The following MYO9B variants were observed in gnomAD, a reference collection of about 807,000 sequenced individuals.
MYO9B encodes unconventional myosin-IXb.
In MYO9B, 71 loss-of-function variants were observed where a neutral mutation model predicts 229.5. The ratio of observed to expected loss-of-function variants is 0.31; its 90% CI spans 0.26 to 0.38. The LOEUF (loss-of-function observed/expected upper bound fraction) is 0.38, where lower values mean the gene tolerates loss of function less well. MYO9B is among the 10% of genes least tolerant of loss of function. MYO9B has a pLI of 1.00. For missense variants in MYO9B, 2,255 were observed against 2,920.5 expected (o/e 0.77, Z 5.25); for synonymous variants, 1,185 against 1,235.8 (o/e 0.96, Z 0.86).
intron 2 of MYO9B, among the ~76,000 whole-genome samples, chr19:17,119,426 G>A (rs1431764772): frequency 6.6e-6 from 1 of 152,216 alleles, no homozygotes; most frequent in Non-Finnish European, 1.5e-5. Context: ...CCAGGAATGA[G>A]CGAGTGCTGA....
chr19:17,109,824 A>G (rs557577648), intron 2 of MYO9B, among the ~76,000 whole-genome samples: 38 of 152,294 alleles, frequency 2.5e-4, no homozygotes, highest in African/African-American at 8.7e-4. Flanking sequence ...ACCTCATCTC[A>G]AAATACTTAC....
rs749277786 is a variant in MYO9B, at chr19:17,212,125, C to T, written c.6289C>T (p.Arg2097Trp). 33 of 1,589,158 alleles carry T rather than the reference C, an allele frequency of 2.1e-5. No individual in the cohort carries two copies. Among genetic ancestry groups the T allele is most frequent in the East Asian group, 4.6e-5 (2 of 43,524 alleles). Reference sequence around the variant, plus strand: ...GGAGGCGGCTGCCCCAGTGCGGCGCCGGGAGCCACCTGCCCGCCGCCCGGA... The same window carrying T: ...GGAGGCGGCTGCCCCAGTGCGGCGCTGGGAGCCACCTGCCCGCCGCCCGGA... ...AREAAAPVRR[R>W]EPPARRPDQI... is the part of the protein sequence containing the mutation. The change falls in exon 40 of 40, where the codon CGG becomes TGG. Residue 2097 changes from arginine (R) to tryptophan (W), a missense_variant. Around this residue, in one of 7 missense-constraint regions of MYO9B, gnomAD observed 331 missense variants for 332.5 expected, o/e 1.00. Coordinates refer to ENST00000682292, the MANE Select transcript of MYO9B (RefSeq NM_004145.4). This position sits in a 1 kb window ranked among gnomAD's most constrained non-coding sequence, Gnocchi z 5.4.
chr19:17,181,733 GTTTC>G lies in MYO9B; in HGVS notation c.2333+714_2333+717del, dbSNP rs527266607. On this transcript the variant is annotated intron_variant, in intron 15 of 39. Transcript: ENST00000682292. ...CCTGCATGGGAGCCAATGAGAGCCA[GTTTC>G]TTTCTTTCTTTCTTTCTTTCGTTCG... Among the ~76,000 whole-genome samples, 169 of 152,250 alleles carry G rather than the reference GTTTC, an allele frequency of 1.1e-3. No homozygotes were observed. In the Middle Eastern group the frequency reaches 0.014, roughly 12 times the overall value.
At chr19:17,185,878 G>A (rs772608476) in intron 17 of MYO9B, 43 bp from the exon 18 acceptor site, 6 of 1,529,876 alleles carry the variant, frequency 3.9e-6, no homozygotes, top group Non-Finnish European at 1.8e-6. Flanking sequence ...GCGGCTGTCA[G>A]GGTCCCTGAT....
In MYO9B at chr19:17,192,724, C is replaced by G. The variant is rs776931647; in HGVS notation, c.2812-22C>G. The stretch of plus-strand genomic sequence containing the variant: ...GTGTCAGGGGCAGTGCAGCTGACCC[C>G]ACCTGACCCCGTGCCCACCAGGTCT... On this transcript the variant is annotated intron_variant, in intron 20 of 39. Coordinates refer to ENST00000682292, the MANE Select transcript of MYO9B (RefSeq NM_004145.4). 6 of 1,503,804 alleles carry G rather than the reference C, an allele frequency of 4.0e-6. 1 individual carries two copies. The Admixed American group carries it at 1.2e-4, about 31-fold the overall frequency. The allele number at this position is 1,503,804 out of a possible 1,614,324, so 93.2% of individuals were successfully genotyped here.
chr19:17,202,416 G>A lies in MYO9B; in HGVS notation c.4836+113G>A, dbSNP rs2073117470. ...CCATGCTTATGCCACACCCACCCAT[G>A]CCCTGCCCATACCACAGCCACTGTG... On this transcript the variant is annotated intron_variant, in intron 28 of 39. Transcript: ENST00000682292. 7 of 1,064,268 alleles carry A rather than the reference G, an allele frequency of 6.6e-6. No homozygotes were observed. In the Admixed American group the frequency reaches 1.7e-4, roughly 25 times the overall value. 65.9% of individuals were successfully genotyped at this position (1,064,268 alleles called of 1,614,324 possible).
At position 17,192,982 on chromosome 19, in the gene MYO9B, G is replaced by T. The variant is rs1223809664; in HGVS notation, c.3048G>T (p.Trp1016Cys). The change falls in exon 21 of 40, where the codon TGG becomes TGT. Residue 1016 changes from tryptophan to cysteine, a missense_variant. Trp to Cys is a radical substitution (Grantham distance 215, BLOSUM62 -2). Around this residue, in one of 7 missense-constraint regions of MYO9B, gnomAD observed 679 missense variants for 770.2 expected, o/e 0.88. Coordinates refer to ENST00000682292, the MANE Select transcript of MYO9B (RefSeq NM_004145.4). ...VYLQASWRGY[W>C]QRKLYRHQKQ... The stretch of plus-strand genomic sequence containing the variant: ...TCCAGGCCTCATGGAGGGGCTACTG[G>T]CAGCGGAAGCTCTACCGGCACCAGA... 1.3e-6 allele frequency: 2 copies of T among 1,520,232 alleles called. No individual in the cohort carries two copies. The highest frequency in any genetic ancestry group is 2.0e-5 in the Admixed American group (1 of 49,630). 94.2% of individuals were successfully genotyped at this position (1,520,232 alleles called of 1,614,324 possible).
chr19:17,131,216 C>A (rs901042662), intron 2 of MYO9B, among the ~76,000 whole-genome samples: 2 of 152,230 alleles, frequency 1.3e-5, no homozygotes, highest in African/African-American at 4.8e-5. Flanking sequence ...CACTGGAAGG[C>A]CCCATCACAG....
chr19:17,121,140 G>T (rs1185296697), intron 2 of MYO9B, among the ~76,000 whole-genome samples: 1 of 152,046 alleles, frequency 6.6e-6, no homozygotes, highest in Non-Finnish European at 1.5e-5. Context: ...ATGGGGTTTT[G>T]CCATGTTGTC....
chr19:17,197,760 T>G lies in MYO9B; in HGVS notation c.4047-32T>G, dbSNP rs766107235. On this transcript the variant is annotated intron_variant, in intron 22 of 39. Transcript: ENST00000682292. ...AGAAAATGCCACTGACTCACTCTAG[T>G]CAGTAAAAGCCATGTTTCTGTGATC... is the stretch of plus-strand genomic sequence containing the variant. The G allele has an allele frequency of 1.4e-5, 23 of 1,612,828 alleles. No individual in the cohort carries two copies. The African/African-American group carries it at 3.1e-4, about 22-fold the overall frequency.
At position 17,192,769 on chromosome 19, in the gene MYO9B, G is replaced by A. The variant is rs1223964546; in HGVS notation, c.2835G>A (p.Arg945=). ...AGGTCTTCCTGAAGGAGACGGAGCG[G>A]CAAGCCCTGCAGGAGACGCTGCACC... ...KTKVFLKETE[R]QALQETLHRE... The change falls in exon 21 of 40, where the codon CGG becomes CGA. Residue 945 remains arginine, a synonymous_variant. Coordinates refer to ENST00000682292, the MANE Select transcript of MYO9B (RefSeq NM_004145.4). The A allele has an allele frequency of 1.9e-6, 3 of 1,551,564 alleles. No homozygotes were observed. The highest frequency in any genetic ancestry group is 1.9e-5 in the Admixed American group (1 of 51,914).
intron 4 of MYO9B, among the ~76,000 whole-genome samples, chr19:17,152,930 CTG>C (rs775532093): frequency 6.6e-6 from 1 of 152,198 alleles, no homozygotes; most frequent in Non-Finnish European, 1.5e-5. Flanking sequence ...GTGTGCCTCC[CTG>C]GAGGTTTTAT....
chr19:17,077,261 A>C (rs982415931), intron 1 of MYO9B, among the ~76,000 whole-genome samples: 2 of 152,196 alleles, frequency 1.3e-5, no homozygotes, highest in East Asian at 3.9e-4. Flanking sequence ...ATCTGCCAGA[A>C]GGGCTGGGGA....
chr19:17,159,628 C>T, intron 8 of MYO9B, 144 bp downstream of exon 8: 1 of 805,016 alleles, frequency 1.2e-6, no homozygotes, highest in South Asian at 1.6e-5. Flanking sequence ...GTCATGCAAG[C>T]TCAGGTGTGG....
intron 39 of MYO9B, 59 bp downstream of exon 39, chr19:17,211,833 G>A: frequency 6.2e-7 from 1 of 1,609,192 alleles, no homozygotes; most frequent in Admixed American, 1.7e-5. Context: ...AGGCCCCAGG[G>A]CGAGGGTCCT....
At chr19:17,209,780 G>A in intron 36 of MYO9B, 71 bp downstream of exon 36, 3 of 1,565,124 alleles carry the variant, frequency 1.9e-6, no homozygotes, top group Non-Finnish European at 1.7e-6. Context: ...AGGGCCTTGG[G>A]CGTGGCTTTG....
chr19:17,116,728 A>G (rs1436362906), intron 2 of MYO9B, among the ~76,000 whole-genome samples: 2 of 152,088 alleles, frequency 1.3e-5, no homozygotes, highest in Non-Finnish European at 2.9e-5. Context: ...CTCCAAGCTG[A>G]AAAATGGGGC....
At chr19:17,152,895 T>G in intron 4 of MYO9B, 189 bp downstream of exon 4, 1 of 583,676 alleles carries the variant, frequency 1.7e-6, no homozygotes, top group Non-Finnish European at 3.0e-6. Context: ...TCACACTTTG[T>G]CCTCATACCT....
chr19:17,194,740 C>T lies in MYO9B; in HGVS notation c.3313C>T (p.Pro1105Ser). ...GHLASEPEVQPSDRSPLEHSS... is the reference protein window; with the variant it reads ...GHLASEPEVQSSDRSPLEHSS... Reference sequence around the variant, plus strand: ...CCTGGCATCGGAGCCTGAGGTGCAGCCAAGTGACAGGTCCCCCCTAGAGCA... The same window carrying T: ...CCTGGCATCGGAGCCTGAGGTGCAGTCAAGTGACAGGTCCCCCCTAGAGCA... Residue 1105 changes from proline (P) to serine (S), a missense_variant, in exon 22 of 40, where the codon CCA (proline) becomes TCA (serine). Physicochemically the swap from Pro to Ser is moderately conservative, Grantham distance 74. Coordinates refer to ENST00000682292, the MANE Select transcript of MYO9B (RefSeq NM_004145.4). 2 of 1,613,034 alleles carry T rather than the reference C, an allele frequency of 1.2e-6. No homozygotes were observed. Among genetic ancestry groups the T allele is most frequent in the Non-Finnish European group, 1.7e-6 (2 of 1,179,862 alleles).
Sources: allele counts gnomAD v4.1 joint callset (sites outside exome capture counted in the v4.1 genomes callset), GRCh38; gene constraint gnomAD v4.1.1; regional missense constraint gnomAD v4.1.1; non-coding constraint Gnocchi (gnomAD v3.1); transcripts MANE v1.5; gene names NCBI Gene and HGNC (gene_info 2026-07-23, HGNC 2026-07-21).